Variants in NFIB observed in about 807,000 individuals in gnomAD.
NFIB encodes the protein nuclear factor I B.
A neutral mutation model predicts 61.5 loss-of-function variants in NFIB; 11 were observed. That is an observed-to-expected ratio of 0.18 (90% CI 0.11 to 0.30). NFIB has a LOEUF of 0.30. Ranked by LOEUF, NFIB falls within the 10% of genes least tolerant of loss-of-function variation. The pLI is 1.00. For synonymous variants in NFIB, 260 were observed against 216.5 expected, an observed-to-expected ratio of 1.20 and a Z score of -1.76; for missense variants, 471 against 608.9, an observed-to-expected ratio of 0.77 and a Z score of 2.38.
In NFIB at chr9:14,372,900, T is replaced by C. The variant is rs138560134; in HGVS notation, c.108+25624A>G. 1.2e-3 allele frequency among the ~76,000 whole-genome samples: 173 copies of C among 149,364 alleles called. 1 individual carries two copies. The highest frequency in any genetic ancestry group is 4.2e-3 in the African/African-American group (169 of 40,350). ...AACCTTTGCCCTCAGGAAAAAGGTA[T>C]AGGGAAAGACAAAACAAAGAAATGC... On this transcript the variant is annotated intron_variant, in intron 1 of 8. Coordinates refer to the NFIB transcript ENST00000380934.
chr9:14,406,681 C>T, the NFIB span, among the ~76,000 whole-genome samples: 2 of 152,136 alleles, frequency 1.3e-5, no homozygotes, highest in African/African-American at 4.8e-5. Flanking sequence ...AATTTCTGCC[C>T]AATGAAATGT....
At chr9:14,265,619 G>A (rs556333391) in intron 2 of NFIB, among the ~76,000 whole-genome samples, 72 of 152,208 alleles carry the variant, frequency 4.7e-4, no homozygotes, top group Non-Finnish European at 7.2e-4. Context: ...TTTTGTTATG[G>A]CAGCCCAAGT....
At chr9:14,352,128 A>G (rs767326032) in intron 1 of NFIB, among the ~76,000 whole-genome samples, 2 of 152,194 alleles carry the variant, frequency 1.3e-5, no homozygotes, top group African/African-American at 2.4e-5. Context: ...ATTAACCCCA[A>G]TAAAATTTTA....
chr9:14,190,399 T>C (rs2047817937), intron 2 of NFIB, among the ~76,000 whole-genome samples: 1 of 152,184 alleles, frequency 6.6e-6, no homozygotes, highest in South Asian at 2.1e-4. Context: ...CTTCTGTTCA[T>C]AAAATAACTT....
rs77618607 is a variant in NFIB at position 14,211,969 on chromosome 9, T to C, written c.563-32189A>G. ...TACCCACATCAAAATAATGTACCAC[T>C]GGGTTTTATTGGTAGCTGCAATTTA... is the stretch of plus-strand genomic sequence containing the variant. On this transcript the variant is annotated intron_variant, in intron 2 of 10. Coordinates refer to ENST00000380953, the MANE Select transcript of NFIB (RefSeq NM_001190737.2). 6.7e-3 allele frequency among the ~76,000 whole-genome samples: 1,015 copies of C among 152,378 alleles called. 16 individuals are homozygous for C. The highest frequency in any genetic ancestry group is 0.042 in the East Asian group (217 of 5,190).
the NFIB span, among the ~76,000 whole-genome samples, chr9:14,525,370 C>T: frequency 1.3e-5 from 2 of 152,142 alleles, no homozygotes; most frequent in Admixed American, 6.5e-5. Flanking sequence ...TGAGGGTTTT[C>T]GTGTTCTCTC....
chr9:14,104,874 T>C (rs1292545483), intron 10 of NFIB, among the ~76,000 whole-genome samples: 3 of 152,198 alleles, frequency 2.0e-5, no homozygotes, highest in African/African-American at 4.8e-5. Flanking sequence ...ATATTAATTA[T>C]GTTAATTATT....
chr9:14,343,807 AG>A (rs2060982423), intron 1 of NFIB, among the ~76,000 whole-genome samples: 1 of 95,594 alleles, frequency 1.0e-5, no homozygotes, highest in African/African-American at 4.0e-5. Flanking sequence ...AAGCAGAGAA[AG>A]GGCTGCTTGG....
chr9:14,436,899 T>C, the NFIB span, among the ~76,000 whole-genome samples: 1 of 152,000 alleles, frequency 6.6e-6, no homozygotes, highest in Non-Finnish European at 1.5e-5. Context: ...CACAGATGAA[T>C]AGAGATAATA....
chr9:14,264,122 A>G (rs1241107096), intron 2 of NFIB, among the ~76,000 whole-genome samples: 1 of 152,150 alleles, frequency 6.6e-6, no homozygotes, highest in Non-Finnish European at 1.5e-5. Flanking sequence ...TTCTGGCCTC[A>G]GGGAAACAAA....
chr9:14,119,619 G>GTA (rs1425788347), intron 8 of NFIB, among the ~76,000 whole-genome samples: 1 of 152,116 alleles, frequency 6.6e-6, no homozygotes, highest in Admixed American at 6.6e-5. Flanking sequence ...ATATTAAAAG[G>GTA]TATAATAAGT....
the NFIB span, among the ~76,000 whole-genome samples, chr9:14,454,502 C>G: frequency 6.6e-6 from 1 of 152,166 alleles, no homozygotes; most frequent in African/African-American, 2.4e-5. Context: ...GTAGTGAAAA[C>G]AGGGTCTTTT....
the NFIB span, among the ~76,000 whole-genome samples, chr9:14,527,440 A>G: frequency 6.6e-6 from 1 of 152,248 alleles, no homozygotes; most frequent in South Asian, 2.1e-4. Flanking sequence ...GAAAAGATGT[A>G]CTAATTACCA....
At chr9:14,367,859 T>C (rs1210387840) in intron 1 of NFIB, among the ~76,000 whole-genome samples, 1 of 151,938 alleles carries the variant, frequency 6.6e-6, no homozygotes, top group Admixed American at 6.6e-5. Context: ...GAGGGGAACA[T>C]CACACACCGG....
chr9:14,353,898 A>G (rs1358727511), intron 1 of NFIB, among the ~76,000 whole-genome samples: 1 of 149,180 alleles, frequency 6.7e-6, no homozygotes, highest in Admixed American at 6.7e-5. Flanking sequence ...TGACAGGACA[A>G]TGCCTGTTTA....
At chr9:14,384,195 G>A (rs966772087) in intron 1 of NFIB, among the ~76,000 whole-genome samples, 2 of 152,058 alleles carry the variant, frequency 1.3e-5, no homozygotes, top group Non-Finnish European at 2.9e-5. Context: ...CATCTTTCTC[G>A]CAGCAACATC....
intron 1 of NFIB, among the ~76,000 whole-genome samples, chr9:14,359,253 G>C (rs912484118): frequency 1.3e-5 from 2 of 152,180 alleles, no homozygotes; most frequent in Admixed American, 1.3e-4. Context: ...TTTGAAAAAA[G>C]GCCTTTGCAC....
chr9:14,229,724 G>A (rs1355758296), intron 2 of NFIB, among the ~76,000 whole-genome samples: 1 of 152,138 alleles, frequency 6.6e-6, no homozygotes, highest in East Asian at 1.9e-4. Flanking sequence ...AGGGCCCAGT[G>A]CAAGACCCTC....
At chr9:14,238,318 C>T (rs1021740180) in intron 2 of NFIB, among the ~76,000 whole-genome samples, 1 of 151,982 alleles carries the variant, frequency 6.6e-6, no homozygotes, top group South Asian at 2.1e-4. Context: ...TCACACAGCA[C>T]CTGGAAGTCA....
Sources: gnomAD v4.1 joint callset for allele counts (sites outside exome capture counted in the v4.1 genomes callset) on GRCh38, gnomAD v4.1.1 for gene constraint, MANE v1.5 for transcripts, NCBI Gene and HGNC (gene_info 2026-07-23, HGNC 2026-07-21) for gene names.